The following PTPRD variants were observed in gnomAD, a reference collection of about 807,000 sequenced individuals.
The protein encoded by PTPRD is receptor-type tyrosine-protein phosphatase delta.
In PTPRD, 34 loss-of-function variants were observed where a neutral mutation model predicts 214.5. The ratio of observed to expected loss-of-function variants is 0.16; its 90% CI spans 0.12 to 0.21. The LOEUF (loss-of-function observed/expected upper bound fraction) is 0.21. PTPRD is among the 10% of genes least tolerant of loss of function. The probability of loss-of-function intolerance (pLI) is 1.00; values close to 1 mark genes in which losing one functional copy is unlikely to be tolerated. For synonymous variants in PTPRD, 1,128 were observed against 845.7 expected, an observed-to-expected ratio of 1.33 and a Z score of -5.79; for missense variants, 2,545 against 2,398.7, an observed-to-expected ratio of 1.06 and a Z score of -1.27.
intron 36 of PTPRD, among the ~76,000 whole-genome samples, chr9:8,399,766 C>T (rs10124689): frequency 0.38 from 58,491 of 151,950 alleles, 11,890 homozygotes; most frequent in African/African-American, 0.5. Flanking sequence ...TGTACACAGG[C>T]AGGGCTATTA....
At chr9:10,571,713 G>A (rs77484007) in intron 2 of PTPRD, among the ~76,000 whole-genome samples, 1 of 152,066 alleles carries the variant, frequency 6.6e-6, no homozygotes, top group Non-Finnish European at 1.5e-5. Context: ...AGTTTTTCCG[G>A]GACTGGGGCA....
intron 31 of PTPRD, among the ~76,000 whole-genome samples, chr9:8,469,306 A>T (rs1056018553): frequency 2.0e-5 from 3 of 152,076 alleles, no homozygotes; most frequent in African/African-American, 7.2e-5. Context: ...ACTTACTACC[A>T]AACGGCTTTA....
intron 9 of PTPRD, among the ~76,000 whole-genome samples, chr9:9,336,255 T>C (rs59769285): frequency 0.037 from 5,585 of 152,142 alleles, 336 homozygotes; most frequent in African/African-American, 0.13. Context: ...TGATGTTATC[T>C]CTGGAAAGAA....
intron 11 of PTPRD, among the ~76,000 whole-genome samples, chr9:8,914,140 G>C (rs1400532301): frequency 6.6e-6 from 1 of 152,112 alleles, no homozygotes; most frequent in African/African-American, 2.4e-5. Context: ...TTGACCTCTA[G>C]AGTGGATGAT....
chr9:9,803,914 G>A (rs2099057342), intron 5 of PTPRD: 1 of 151,990 alleles, frequency 6.6e-6, no homozygotes. Context: ...TCTAGATTTT[G>A]TTTAGTGTTT....
intron 11 of PTPRD, among the ~76,000 whole-genome samples, chr9:8,872,792 G>T (rs372916984): frequency 6.6e-6 from 1 of 152,132 alleles, no homozygotes; most frequent in Non-Finnish European, 1.5e-5. Flanking sequence ...TACAGGAGGC[G>T]GCATTTGCCA....
chr9:10,185,955 C>A (rs567101177), intron 3 of PTPRD, among the ~76,000 whole-genome samples: 14 of 152,134 alleles, frequency 9.2e-5, no homozygotes, highest in African/African-American at 3.1e-4. Context: ...TCTAGCAGAG[C>A]CTTTTGTTTG....
At chr9:9,657,779 A>G (rs2096548219) in intron 7 of PTPRD, among the ~76,000 whole-genome samples, 1 of 152,232 alleles carries the variant, frequency 6.6e-6, no homozygotes, top group African/African-American at 2.4e-5. Context: ...GGGCAAACCA[A>G]TTGTACATCG....
chr9:10,159,239 AT>A (rs1341091676), intron 3 of PTPRD, among the ~76,000 whole-genome samples: 1 of 152,224 alleles, frequency 6.6e-6, no homozygotes, highest in Non-Finnish European at 1.5e-5. Flanking sequence ...AAGAAAGAAA[AT>A]CAACAGGTAA....
At chr9:9,116,721 A>C (rs2099812697) in intron 10 of PTPRD, among the ~76,000 whole-genome samples, 1 of 152,116 alleles carries the variant, frequency 6.6e-6, no homozygotes, top group Admixed American at 6.5e-5. Flanking sequence ...ATTTTCAAGC[A>C]ATCTTTCAGA....
chr9:10,401,714 A>T (rs898908674), intron 2 of PTPRD, among the ~76,000 whole-genome samples: 8 of 150,300 alleles, frequency 5.3e-5, no homozygotes, highest in Non-Finnish European at 1.2e-4. Context: ...AGATATAAAA[A>T]ATAATTATCA....
At chr9:8,964,192 G>GTTTTTTTTTTT (rs71317391) in intron 11 of PTPRD, among the ~76,000 whole-genome samples, 3 of 35,634 alleles carry the variant, frequency 8.4e-5, no homozygotes, top group Non-Finnish European at 1.4e-4. Context: ...TCAGGGCTGT[G>GTTTTTTTTTTT]TTTTTTTTTT....
chr9:8,847,548 C>T (rs1051668738), intron 11 of PTPRD, among the ~76,000 whole-genome samples: 3 of 152,010 alleles, frequency 2.0e-5, no homozygotes, highest in Non-Finnish European at 4.4e-5. Flanking sequence ...CATAAAAGAC[C>T]GAGTAATTTT....
At chr9:9,611,207 C>G (rs976286575) in intron 7 of PTPRD, among the ~76,000 whole-genome samples, 1 of 152,148 alleles carries the variant, frequency 6.6e-6, no homozygotes, top group African/African-American at 2.4e-5. Context: ...GTGAACATCT[C>G]TGCACATAAA....
intron 27 of PTPRD, among the ~76,000 whole-genome samples, chr9:8,487,843 T>C (rs527317203): frequency 1.3e-5 from 2 of 150,010 alleles, no homozygotes; most frequent in Admixed American, 6.6e-5. Flanking sequence ...AACAAACAGC[T>C]TGGCAACATA....
intron 10 of PTPRD, among the ~76,000 whole-genome samples, chr9:9,066,057 G>C (rs1475141315): frequency 6.6e-6 from 1 of 152,096 alleles, no homozygotes; most frequent in Non-Finnish European, 1.5e-5. Flanking sequence ...ATATATCATT[G>C]GAGGGATTCA....
chr9:9,680,210 A>T (rs2097036114), intron 7 of PTPRD, among the ~76,000 whole-genome samples: 2 of 151,824 alleles, frequency 1.3e-5, no homozygotes, highest in Non-Finnish European at 2.9e-5. Context: ...TCCACTTAAA[A>T]TGATAAAAAA....
At chr9:9,859,766 G>C (rs1303737600) in intron 5 of PTPRD, among the ~76,000 whole-genome samples, 1 of 152,148 alleles carries the variant, frequency 6.6e-6, no homozygotes, top group Non-Finnish European at 1.5e-5. Context: ...GTCAGACTCT[G>C]GAATACGGTA....
At chr9:10,199,903 GCACACACGCACA>G (rs1024680236) in intron 3 of PTPRD, among the ~76,000 whole-genome samples, 3 of 149,336 alleles carry the variant, frequency 2.0e-5, no homozygotes, top group South Asian at 2.1e-4. Flanking sequence ...GCACTCGCGC[GCACACACGCACA>G]CACACACACA....
Sources: allele counts gnomAD v4.1 joint callset (sites outside exome capture counted in the v4.1 genomes callset), GRCh38; gene constraint gnomAD v4.1.1; transcripts MANE v1.5; gene names NCBI Gene and HGNC (gene_info 2026-07-23, HGNC 2026-07-21).